Variants in ADAMTS19 observed in about 807,000 individuals in gnomAD.
ADAMTS19 encodes A disintegrin and metalloproteinase with thrombospondin motifs 19.
In ADAMTS19, 93 loss-of-function variants were observed where a neutral mutation model predicts 153.3. The ratio of observed to expected loss-of-function variants is 0.61; its 90% CI spans 0.51 to 0.72. The LOEUF is 0.72. Ranked by LOEUF, ADAMTS19 falls within the 30% of genes least tolerant of loss-of-function variation. ADAMTS19 has a pLI of 0.00. For synonymous variants in ADAMTS19, 600 were observed against 556.6 expected, an observed-to-expected ratio of 1.08 and a Z score of -1.10; for missense variants, 1,482 against 1,552.1, an observed-to-expected ratio of 0.95 and a Z score of 0.76.
At chr5:129,635,961 ATCTCACCTT>A (rs1228565849) in intron 10 of ADAMTS19, among the ~76,000 whole-genome samples, 1 of 152,100 alleles carries the variant, frequency 6.6e-6, no homozygotes, top group African/African-American at 2.4e-5. Context: ...CAGTGGCATG[ATCTCACCTT>A]ACTGCAACCT....
intron 7 of ADAMTS19, among the ~76,000 whole-genome samples, chr5:129,574,481 T>C (rs1754030376): frequency 6.6e-6 from 1 of 151,940 alleles, no homozygotes; most frequent in Non-Finnish European, 1.5e-5. Context: ...GTCAATGTGT[T>C]CTCATTGTTC....
chr5:129,637,758 T>C (rs1234715901), intron 10 of ADAMTS19, among the ~76,000 whole-genome samples: 3 of 152,056 alleles, frequency 2.0e-5, no homozygotes, highest in African/African-American at 7.2e-5. Flanking sequence ...GGCAAGAGAA[T>C]CGCTTGAACC....
intron 17 of ADAMTS19, among the ~76,000 whole-genome samples, chr5:129,680,333 A>G (rs1754743209): frequency 6.6e-6 from 1 of 152,194 alleles, no homozygotes; most frequent in Non-Finnish European, 1.5e-5. Context: ...ATGTTATTCT[A>G]CCCGAGAGAA....
intron 8 of ADAMTS19, among the ~76,000 whole-genome samples, chr5:129,609,292 C>G (rs1018977974): frequency 5.9e-5 from 9 of 152,144 alleles, no homozygotes; most frequent in Admixed American, 5.2e-4. Flanking sequence ...GTATTCATTT[C>G]CTTTATTCCT....
chr5:129,706,727 G>A (rs545121645), intron 21 of ADAMTS19, among the ~76,000 whole-genome samples: 11 of 152,174 alleles, frequency 7.2e-5, no homozygotes, highest in East Asian at 1.9e-4. Context: ...GTGGAAATAC[G>A]GCTAGCAAAT....
intron 21 of ADAMTS19, among the ~76,000 whole-genome samples, chr5:129,724,514 G>A (rs549256581): frequency 3.3e-5 from 5 of 152,250 alleles, no homozygotes; most frequent in Non-Finnish European, 7.4e-5. Context: ...AGAGACCAAG[G>A]CAAGTTTTAT....
intron 19 of ADAMTS19, among the ~76,000 whole-genome samples, chr5:129,701,102 G>T (rs2127160036): frequency 6.6e-6 from 1 of 151,358 alleles, no homozygotes; most frequent in East Asian, 2.0e-4. Flanking sequence ...CTGTTCTCAT[G>T]ATAGTGAATA....
At chr5:129,681,821 C>T (rs1754828818) in intron 17 of ADAMTS19, among the ~76,000 whole-genome samples, 1 of 152,180 alleles carries the variant, frequency 6.6e-6, no homozygotes, top group Non-Finnish European at 1.5e-5. Context: ...AAACCCTACT[C>T]TCTGCCTTAT....
Position 129,513,985 on chromosome 5 carries a change from C to T in ADAMTS19, c.913+4743C>T, listed in dbSNP as rs141722441. 9.3e-4 allele frequency among the ~76,000 whole-genome samples: 141 copies of T among 152,112 alleles called. 1 individual carries two copies. The highest frequency in any genetic ancestry group is 3.3e-3 in the African/African-American group (137 of 41,506). ...CTAACCATCCTTCTACTGTTTATAT[C>T]CATGAGTTCAATAGTTTTGATTTTT... On this transcript the variant is annotated intron_variant, in intron 3 of 22. Coordinates refer to ENST00000274487, the MANE Select transcript of ADAMTS19 (RefSeq NM_133638.6).
At chr5:129,623,784 G>T (rs1183820737) in intron 10 of ADAMTS19, among the ~76,000 whole-genome samples, 1 of 151,984 alleles carries the variant, frequency 6.6e-6, no homozygotes. Context: ...GAATTAAAAT[G>T]AGTGAATGTA....
At position 129,590,695 on chromosome 5, in the gene ADAMTS19, G is replaced by A. The variant is rs370251706; in HGVS notation, c.1373-5864G>A. On this transcript the variant is annotated intron_variant, in intron 7 of 22. Transcript: ENST00000274487. The stretch of plus-strand genomic sequence containing the variant: ...CTAGATCACCTTCTTGTCTTTTAAT[G>A]AAACAGGCAGATTATTAGTCAACTA... Among the ~76,000 whole-genome samples the A allele has an allele frequency of 2.4e-4, 37 of 152,176 alleles. No individual in the cohort carries two copies. The East Asian group carries it at 6.6e-3, about 27-fold the overall frequency.
intron 2 of ADAMTS19, among the ~76,000 whole-genome samples, chr5:129,495,656 T>G (rs1750903199): frequency 2.0e-5 from 3 of 152,122 alleles, no homozygotes; most frequent in Admixed American, 2.0e-4. Context: ...TTTTAAATAT[T>G]TATCAGTAAC....
intron 21 of ADAMTS19, among the ~76,000 whole-genome samples, chr5:129,723,927 T>C (rs999155040): frequency 2.0e-5 from 3 of 152,186 alleles, no homozygotes; most frequent in African/African-American, 7.2e-5. Flanking sequence ...CATAGGTGGA[T>C]TCAAAGATGT....
At chr5:129,519,930 A>G (rs916188270) in intron 3 of ADAMTS19, among the ~76,000 whole-genome samples, 2 of 152,112 alleles carry the variant, frequency 1.3e-5, no homozygotes, top group East Asian at 1.9e-4. Context: ...TAGGCGCACA[A>G]CAACCTGAAT....
chr5:129,540,079 T>A (rs950915727), intron 6 of ADAMTS19, among the ~76,000 whole-genome samples: 2 of 152,066 alleles, frequency 1.3e-5, no homozygotes, highest in African/African-American at 4.8e-5. Flanking sequence ...TAGAATAACA[T>A]TGGAAAAAAT....
chr5:129,609,706 G>A (rs1474106566), intron 8 of ADAMTS19, among the ~76,000 whole-genome samples: 2 of 152,126 alleles, frequency 1.3e-5, no homozygotes, highest in Non-Finnish European at 2.9e-5. Flanking sequence ...TCCCATACCA[G>A]ATTCTCTCCA....
chr5:129,720,148 G>GTATATATATA (rs35948614), intron 21 of ADAMTS19, among the ~76,000 whole-genome samples: 1 of 143,200 alleles, frequency 7.0e-6, no homozygotes, highest in African/African-American at 2.6e-5. Flanking sequence ...ATGTGTGTAT[G>GTATATATATA]TATATATATA....
chr5:129,524,925 T>C (rs1751955328), intron 3 of ADAMTS19, among the ~76,000 whole-genome samples: 1 of 152,130 alleles, frequency 6.6e-6, no homozygotes, highest in Non-Finnish European at 1.5e-5. Flanking sequence ...TACTACCTAA[T>C]CTTTTGTACT....
At chr5:129,661,548 G>A (rs913840059) in intron 15 of ADAMTS19, among the ~76,000 whole-genome samples, 3 of 152,172 alleles carry the variant, frequency 2.0e-5, no homozygotes, top group Non-Finnish European at 2.9e-5. Flanking sequence ...TAACCCACGT[G>A]CAAACACACA....
Sources: gnomAD v4.1 joint callset for allele counts (sites outside exome capture counted in the v4.1 genomes callset) on GRCh38, gnomAD v4.1.1 for gene constraint, MANE v1.5 for transcripts, NCBI Gene and HGNC (gene_info 2026-07-23, HGNC 2026-07-21) for gene names.